The following PLGRKT variants were observed in gnomAD, a reference collection of about 807,000 sequenced individuals.
PLGRKT encodes plasminogen receptor with a C-terminal lysine, also known as plasminogen receptor (KT).
PLGRKT carries 22 observed loss-of-function variants against 18.5 expected under a neutral mutation model. The ratio of observed to expected loss-of-function variants is 1.19; its 90% confidence interval spans 0.85 to 1.70. The LOEUF is 1.70. Among genes scored for constraint, PLGRKT ranks in the 40% most tolerant of loss-of-function variants. The pLI, the probability that PLGRKT is intolerant of heterozygous loss-of-function variation, is 0.00. For synonymous variants in PLGRKT, 72 were observed against 52.8 expected, an observed-to-expected ratio of 1.36 and a Z score of -1.58; for missense variants, 235 against 174.4, an observed-to-expected ratio of 1.35 and a Z score of -1.96.
intron 3 of PLGRKT, among the ~76,000 whole-genome samples, chr9:5,424,667 T>TA (rs1563790008): frequency 2.9e-5 from 3 of 101,762 alleles, no homozygotes; most frequent in East Asian, 4.7e-4. Flanking sequence ...AATTATATAT[T>TA]TTATATATAT....
intron 3 of PLGRKT, among the ~76,000 whole-genome samples, chr9:5,387,762 G>A (rs535887084): frequency 6.6e-6 from 1 of 151,864 alleles, no homozygotes; most frequent in Admixed American, 6.6e-5. Flanking sequence ...TAAGATTTGT[G>A]CACATCACTA....
At chr9:5,387,204 G>A (rs773926981) in intron 3 of PLGRKT, among the ~76,000 whole-genome samples, 2 of 151,918 alleles carry the variant, frequency 1.3e-5, no homozygotes, top group African/African-American at 2.4e-5. Flanking sequence ...GGTCTCGTAG[G>A]CCTTTGCCAG....
At chr9:5,421,710 C>A (rs950583433) in intron 3 of PLGRKT, among the ~76,000 whole-genome samples, 1 of 152,156 alleles carries the variant, frequency 6.6e-6, no homozygotes, top group African/African-American at 2.4e-5. Flanking sequence ...CTCAGAGTAA[C>A]CCTACAAAGT....
Position 5,379,492 on chromosome 9 carries a change from G to T in PLGRKT, c.82-17604C>A, listed in dbSNP as rs185010074. Among the ~76,000 whole-genome samples, 8 of 152,236 alleles carry T rather than the reference G, an allele frequency of 5.3e-5. No homozygotes were observed. The East Asian group carries it at 1.5e-3, about 29-fold the overall frequency. ...TTTCCAGTGTTCAACAGCCACATGT[G>T]AGTGGATATGTGTGTGTGTGTGTGT... On this transcript the variant is annotated intron_variant, in intron 3 of 5. Transcript: ENST00000223864.
intron 3 of PLGRKT, among the ~76,000 whole-genome samples, chr9:5,390,121 G>A (rs902140584): frequency 6.6e-6 from 1 of 151,722 alleles, no homozygotes; most frequent in Admixed American, 6.6e-5. Context: ...ACCCTCGTCT[G>A]CTTCAGGATG....
chr9:5,361,519 G>C (rs921015743), intron 4 of PLGRKT, among the ~76,000 whole-genome samples: 6 of 152,082 alleles, frequency 3.9e-5, no homozygotes, highest in African/African-American at 1.4e-4. Flanking sequence ...TGTCAAGTTG[G>C]TGCTCTCTCT....
intron 3 of PLGRKT, among the ~76,000 whole-genome samples, chr9:5,430,187 T>G (rs1465609544): frequency 6.6e-6 from 1 of 152,234 alleles, no homozygotes; most frequent in African/African-American, 2.4e-5. Flanking sequence ...TCTGATGTAG[T>G]TGTCTCCAGT....
chr9:5,410,603 G>A (rs990917276), intron 3 of PLGRKT, among the ~76,000 whole-genome samples: 4 of 152,046 alleles, frequency 2.6e-5, no homozygotes, highest in Non-Finnish European at 4.4e-5. Flanking sequence ...GTTTAAGCAG[G>A]CAGGGTTGGG....
At chr9:5,429,401 G>C (rs1373487876) in intron 3 of PLGRKT, among the ~76,000 whole-genome samples, 1 of 152,136 alleles carries the variant, frequency 6.6e-6, no homozygotes, top group Non-Finnish European at 1.5e-5. Context: ...CCATAACAAA[G>C]GACCACAAAC....
chr9:5,434,591 T>C lies in PLGRKT; in HGVS notation c.-7+1978A>G, dbSNP rs1462334096. Among the ~76,000 whole-genome samples, 82 of 136,644 alleles carry C rather than the reference T, an allele frequency of 6.0e-4. No individual in the cohort carries two copies. The East Asian group carries it at 0.015, about 24-fold the overall frequency. The allele number at this position is 136,644 out of a possible 152,430, so 89.6% of individuals were successfully genotyped here. On this transcript the variant is annotated intron_variant, in intron 2 of 5. Coordinates refer to ENST00000223864, the MANE Select transcript of PLGRKT (RefSeq NM_018465.4). ...CGTCTGGGAAGTGGGCGCCTCTGCC[T>C]GGCCGCCCCCTCTGGGAGGTGGGGA... is the stretch of plus-strand genomic sequence containing the variant.
intron 3 of PLGRKT, among the ~76,000 whole-genome samples, chr9:5,382,564 G>T (rs1035810013): frequency 1.3e-5 from 2 of 152,228 alleles, no homozygotes; most frequent in African/African-American, 4.8e-5. Flanking sequence ...AAACAGGAAA[G>T]AGTCGACTGA....
Position 5,385,547 on chromosome 9 carries a change from C to T in PLGRKT, c.82-23659G>A, listed in dbSNP as rs985331826. On this transcript the variant is annotated intron_variant, in intron 3 of 5. Coordinates refer to ENST00000223864, the MANE Select transcript of PLGRKT (RefSeq NM_018465.4). ...GTCTTGTTCTGTTTTGATCCCCTGACCATTTTTCATTTCCTTCTCACTTTC... is the reference window on the plus strand; with the variant it reads ...GTCTTGTTCTGTTTTGATCCCCTGATCATTTTTCATTTCCTTCTCACTTTC... Among the ~76,000 whole-genome samples, 12 of 151,720 alleles carry T rather than the reference C, an allele frequency of 7.9e-5. 1 individual carries two copies. Among genetic ancestry groups the T allele is most frequent in the African/African-American group, 2.9e-4 (12 of 41,088 alleles).
chr9:5,380,226 G>T (rs984307641), intron 3 of PLGRKT, among the ~76,000 whole-genome samples: 6 of 151,930 alleles, frequency 3.9e-5, no homozygotes, highest in African/African-American at 1.2e-4. Context: ...TTAGCCAGGC[G>T]TGGTGGTGGG....
intron 3 of PLGRKT, among the ~76,000 whole-genome samples, chr9:5,376,176 T>C (rs1313593335): frequency 6.6e-6 from 1 of 152,120 alleles, no homozygotes; most frequent in Non-Finnish European, 1.5e-5. Context: ...AGAATGGTGG[T>C]TGCCAGGGAC....
At chr9:5,424,769 T>A (rs1181854181) in intron 3 of PLGRKT, among the ~76,000 whole-genome samples, 2 of 146,504 alleles carry the variant, frequency 1.4e-5, no homozygotes, top group East Asian at 3.9e-4. Context: ...TTGCCCGGGC[T>A]GGTCCCAAAC....
At chr9:5,373,441 C>A (rs10975080) in intron 3 of PLGRKT, among the ~76,000 whole-genome samples, 34,179 of 152,086 alleles carry the variant, frequency 0.22, 4,655 homozygotes, top group Non-Finnish European at 0.3. Context: ...TACTCTGCTG[C>A]ACAAATGTGG....
intron 3 of PLGRKT, among the ~76,000 whole-genome samples, chr9:5,389,502 A>T (rs1817906977): frequency 1.3e-5 from 2 of 151,930 alleles, no homozygotes; most frequent in South Asian, 4.1e-4. Context: ...TGAGGGGATC[A>T]TTAAAATACT....
At chr9:5,360,800 A>G (rs1376945775) in intron 5 of PLGRKT, among the ~76,000 whole-genome samples, 1 of 152,184 alleles carries the variant, frequency 6.6e-6, no homozygotes, top group Non-Finnish European at 1.5e-5. Flanking sequence ...ATTTGCTGTA[A>G]TTTATTTATT....
intron 3 of PLGRKT, among the ~76,000 whole-genome samples, chr9:5,397,285 C>A (rs1034464909): frequency 3.9e-5 from 6 of 151,922 alleles, no homozygotes; most frequent in African/African-American, 1.5e-4. Context: ...ACATGACTTT[C>A]CCCTCACTTT....
Sources: allele counts gnomAD v4.1 joint callset (sites outside exome capture counted in the v4.1 genomes callset), GRCh38; gene constraint gnomAD v4.1.1; transcripts MANE v1.5; gene names NCBI Gene and HGNC (gene_info 2026-07-23, HGNC 2026-07-21).